MATCAP2: variants seen among roughly 807,000 people sequenced by gnomAD.
MATCAP2 encodes microtubule associated tyrosine carboxypeptidase 2.
the MATCAP2 span, among the ~76,000 whole-genome samples, chr7:36,338,230 T>C: frequency 6.6e-6 from 1 of 152,158 alleles, no homozygotes; most frequent in Non-Finnish European, 1.5e-5. Context: ...AACCTGACCT[T>C]TCCCTTTCCA....
At chr7:36,337,291 TA>T in the MATCAP2 span, among the ~76,000 whole-genome samples, 6 of 152,036 alleles carry the variant, frequency 3.9e-5, no homozygotes, top group African/African-American at 1.4e-4. Context: ...AAAGTTGAGA[TA>T]TTTTTTCACA....
chr7:36,337,128 A>G, the MATCAP2 span, among the ~76,000 whole-genome samples: 7 of 147,828 alleles, frequency 4.7e-5, no homozygotes, highest in Non-Finnish European at 1.0e-4. Flanking sequence ...AAAAAAAAGC[A>G]ATCAGTCTTC....
chr7:36,354,923 G>C, the MATCAP2 span, among the ~76,000 whole-genome samples: 1 of 152,136 alleles, frequency 6.6e-6, no homozygotes, highest in African/African-American at 2.4e-5. Context: ...GGCTGCTGAG[G>C]CTCCCAAATT....
the MATCAP2 span, among the ~76,000 whole-genome samples, chr7:36,365,745 C>T: frequency 6.6e-6 from 1 of 152,196 alleles, no homozygotes; most frequent in Non-Finnish European, 1.5e-5. Context: ...GTTGAGAAAC[C>T]TTGCTCCATA....
At chr7:36,384,424 C>T in the MATCAP2 span, among the ~76,000 whole-genome samples, 1 of 152,128 alleles carries the variant, frequency 6.6e-6, no homozygotes, top group Non-Finnish European at 1.5e-5. Context: ...TCTCAGTTTT[C>T]CCATCTCTAA....
the MATCAP2 span, among the ~76,000 whole-genome samples, chr7:36,384,280 C>T: frequency 1.3e-5 from 2 of 152,124 alleles, no homozygotes; most frequent in Non-Finnish European, 2.9e-5. Flanking sequence ...CTACTTCAGA[C>T]TCTTGGTTCT....
chr7:36,385,763 G>C, the MATCAP2 span, among the ~76,000 whole-genome samples: 2 of 145,098 alleles, frequency 1.4e-5, no homozygotes, highest in African/African-American at 5.1e-5. Context: ...TCCAGCCTGG[G>C]TGACAGAGCA....
At chr7:36,378,142 G>A in the MATCAP2 span, among the ~76,000 whole-genome samples, 47 of 152,268 alleles carry the variant, frequency 3.1e-4, no homozygotes, top group Non-Finnish European at 5.4e-4. Context: ...ACTTTGTTCC[G>A]TTGCTGGCGA....
chr7:36,388,490 CAT>C, the MATCAP2 span, among the ~76,000 whole-genome samples: 1 of 152,144 alleles, frequency 6.6e-6, no homozygotes, highest in African/African-American at 2.4e-5. Flanking sequence ...TATTATTAAA[CAT>C]ATTGAAACCA....
chr7:36,378,879 G>A, the MATCAP2 span, among the ~76,000 whole-genome samples: 1 of 152,248 alleles, frequency 6.6e-6, no homozygotes, highest in Non-Finnish European at 1.5e-5. Flanking sequence ...AGTGAGCAAG[G>A]CTCCATGGGC....
the MATCAP2 span, among the ~76,000 whole-genome samples, chr7:36,358,197 T>TAA: frequency 6.9e-6 from 1 of 144,092 alleles, no homozygotes. Flanking sequence ...GACCCTATCT[T>TAA]AAAAAAAAAA....
At chr7:36,334,697 C>T in the MATCAP2 span, among the ~76,000 whole-genome samples, 1 of 151,972 alleles carries the variant, frequency 6.6e-6, no homozygotes, top group Non-Finnish European at 1.5e-5. Flanking sequence ...GAGGTATAAC[C>T]TTTATAACAA....
the MATCAP2 span, among the ~76,000 whole-genome samples, chr7:36,327,347 C>G: frequency 1.3e-5 from 2 of 152,166 alleles, no homozygotes; most frequent in African/African-American, 4.8e-5. Flanking sequence ...ATTAGCCAGG[C>G]TGGTCTCGAA....
At chr7:36,384,798 G>A in the MATCAP2 span, among the ~76,000 whole-genome samples, 3 of 151,926 alleles carry the variant, frequency 2.0e-5, no homozygotes, top group African/African-American at 7.3e-5. Context: ...AAGTCCTTGA[G>A]GCAGGAAGAA....
At chr7:36,373,712 C>T in the MATCAP2 span, among the ~76,000 whole-genome samples, 1 of 152,054 alleles carries the variant, frequency 6.6e-6, no homozygotes, top group East Asian at 1.9e-4. Context: ...CCCAAAGTGC[C>T]ATTATTACAG....
At chr7:36,331,654 G>A in the MATCAP2 span, among the ~76,000 whole-genome samples, 1 of 152,118 alleles carries the variant, frequency 6.6e-6, no homozygotes, top group Non-Finnish European at 1.5e-5. Context: ...ATTTTGGAGA[G>A]CATGTAGGTT....
the MATCAP2 span, chr7:36,367,268 T>G: frequency 2.9e-6 from 3 of 1,045,534 alleles, no homozygotes; most frequent in Non-Finnish European, 2.3e-6. Context: ...CGCGCTGCGC[T>G]TCACGGAGCC....
At chr7:36,362,102 A>C in the MATCAP2 span, among the ~76,000 whole-genome samples, 16 of 152,350 alleles carry the variant, frequency 1.1e-4, no homozygotes, top group Admixed American at 2.6e-4. Context: ...ATTGGGCTGC[A>C]CATTTAAGAC....
At chr7:36,374,834 C>T in the MATCAP2 span, among the ~76,000 whole-genome samples, 2 of 152,278 alleles carry the variant, frequency 1.3e-5, no homozygotes, top group East Asian at 1.9e-4. Flanking sequence ...TGATGGTTTC[C>T]AGCTTCATCC....
Sources: gnomAD v4.1 joint callset for allele counts (sites outside exome capture counted in the v4.1 genomes callset) on GRCh38, gnomAD v4.1.1 for gene constraint, MANE v1.5 for transcripts, NCBI Gene and HGNC (gene_info 2026-07-23, HGNC 2026-07-21) for gene names.